Variants in EED observed in about 807,000 individuals in gnomAD.
EED encodes polycomb protein EED.
EED carries 9 observed loss-of-function variants against 61.0 expected under a neutral mutation model. That is an observed-to-expected ratio of 0.15 (90% CI 0.09 to 0.26). The LOEUF (loss-of-function observed/expected upper bound fraction) is 0.26. Among genes scored for constraint, EED ranks in the 10% least tolerant of loss-of-function variants. The pLI is 1.00. For synonymous variants in EED, 187 were observed against 174.4 expected, an observed-to-expected ratio of 1.07 and a Z score of -0.57; for missense variants, 315 against 542.3, an observed-to-expected ratio of 0.58 and a Z score of 4.16.
At chr11:86,262,115 C>T (rs1945845842) in intron 6 of EED, among the ~76,000 whole-genome samples, 1 of 152,102 alleles carries the variant, frequency 6.6e-6, no homozygotes. Flanking sequence ...CTTCTGGGCT[C>T]AAATGATCCT....
chr11:86,245,120 G>A lies in EED; in HGVS notation c.-110G>A. The A allele has an allele frequency of 1.3e-6, 1 of 773,074 alleles. No individual in the cohort carries two copies. The highest frequency in any genetic ancestry group is 1.8e-5 in the South Asian group (1 of 56,736). 47.9% of individuals were successfully genotyped at this position (773,074 alleles called of 1,614,324 possible). Reference sequence around the variant, plus strand: ...TGCGACAGTGGGGGGGGCGGTGGAGGTGGCGGCGGCAGCGGCAACTTTGCG... The same window carrying A: ...TGCGACAGTGGGGGGGGCGGTGGAGATGGCGGCGGCAGCGGCAACTTTGCG... On this transcript the variant is annotated 5_prime_UTR_variant, in exon 1 of 12. The change creates a new upstream start codon in the 5' untranslated region. Coordinates refer to ENST00000263360, the MANE Select transcript of EED (RefSeq NM_003797.5).
At chr11:86,278,922 C>T (rs1202711064), downstream of EED, 1 of 177,968 alleles carries the variant, frequency 5.6e-6, no homozygotes, top group East Asian at 1.0e-4. Context: ...TACTACGTGA[C>T]CTTGGATAAA....
At chr11:86,269,253 C>G (rs1946055240) in intron 9 of EED, among the ~76,000 whole-genome samples, 1 of 152,130 alleles carries the variant, frequency 6.6e-6, no homozygotes, top group African/African-American at 2.4e-5. Flanking sequence ...TTCAAAATTG[C>G]AGCTGTTTTG....
intron 9 of EED, among the ~76,000 whole-genome samples, chr11:86,269,778 G>GT (rs916576034): frequency 1.3e-4 from 20 of 152,174 alleles, no homozygotes; most frequent in Admixed American, 3.3e-4. Context: ...TTTTAAGATT[G>GT]TTTTTTTCCA....
In EED at chr11:86,245,154, G is replaced by A; in HGVS notation, c.-76G>A. ...GCAGCGGCAACTTTGCGGCAAGCTC[G>A]GGCCGGGCTTGCTTGACGGCGGTGT... On this transcript the variant is annotated 5_prime_UTR_variant, in exon 1 of 12. Coordinates refer to ENST00000263360, the MANE Select transcript of EED (RefSeq NM_003797.5). 7 of 1,259,428 alleles carry A rather than the reference G, an allele frequency of 5.6e-6. No homozygotes were observed. The highest frequency in any genetic ancestry group is 7.8e-6 in the Non-Finnish European group (7 of 897,078). 78.0% of individuals were successfully genotyped at this position (1,259,428 alleles called of 1,614,324 possible). A position where few individuals can be genotyped will look rare whatever the true frequency, so the allele number is the denominator to read the frequency against.
At chr11:86,252,375 A>C in intron 3 of EED, 135 bp downstream of exon 3, 1 of 545,420 alleles carries the variant, frequency 1.8e-6, no homozygotes, top group Non-Finnish European at 3.1e-6. Flanking sequence ...GTAAGAGTGA[A>C]GGTTTCTAGA....
rs560504848 is a variant in EED, at chr11:86,257,288, G to C, written c.553-227G>C. On this transcript the variant is annotated intron_variant, in intron 5 of 11. Coordinates refer to ENST00000263360, the MANE Select transcript of EED (RefSeq NM_003797.5). The stretch of plus-strand genomic sequence containing the variant: ...CCTGACCTCAAGCGATTCTGCCTTA[G>C]CTTTCCAAAGTGCTTGGATTAAAAA... 2.0e-5 allele frequency among the ~76,000 whole-genome samples: 3 copies of C among 149,708 alleles called. No individual in the cohort carries two copies. In the East Asian group the frequency reaches 5.9e-4, roughly 29 times the overall value.
At chr11:86,279,817 C>G (rs1233358893), downstream of EED, among the ~76,000 whole-genome samples, 1 of 152,170 alleles carries the variant, frequency 6.6e-6, no homozygotes, top group Non-Finnish European at 1.5e-5. Context: ...CTGCCTTTTA[C>G]TGTCTTGGTC....
intron 6 of EED, among the ~76,000 whole-genome samples, chr11:86,258,229 A>G (rs2138166538): frequency 6.6e-6 from 1 of 152,242 alleles, no homozygotes; most frequent in East Asian, 1.9e-4. Flanking sequence ...TATCCAAATC[A>G]TTTTGTCCAA....
At chr11:86,283,621 A>G (rs983401541), downstream of EED, among the ~76,000 whole-genome samples, 2 of 152,232 alleles carry the variant, frequency 1.3e-5, no homozygotes, top group African/African-American at 4.8e-5. Context: ...CGAGGTGAAT[A>G]TGAGAGGGAA....
chr11:86,257,830 C>T (rs1408548187), intron 6 of EED, among the ~76,000 whole-genome samples: 1 of 152,220 alleles, frequency 6.6e-6, no homozygotes, highest in East Asian at 1.9e-4. Context: ...AGACTGGCAT[C>T]ACCCTTGTTA....
intron 9 of EED, 135 bp downstream of exon 9, chr11:86,268,696 GA>G (rs1946044475): frequency 2.0e-6 from 1 of 504,342 alleles, no homozygotes; most frequent in Non-Finnish European, 3.4e-6. Context: ...TGGCAGCTGG[GA>G]AGTTGCCTTT....
chr11:86,258,849 T>G (rs1179527812), intron 6 of EED, among the ~76,000 whole-genome samples: 2 of 147,138 alleles, frequency 1.4e-5, no homozygotes, highest in African/African-American at 5.0e-5. Flanking sequence ...AGCCACTGCG[T>G]CCTGCCTCTA....
At chr11:86,261,389 C>T (rs972573098) in intron 6 of EED, among the ~76,000 whole-genome samples, 8 of 152,034 alleles carry the variant, frequency 5.3e-5, no homozygotes, top group African/African-American at 1.9e-4. Flanking sequence ...GTTTGGGCCC[C>T]AGAGGCCTTG....
chr11:86,246,965 T>G (rs927843091), intron 1 of EED, among the ~76,000 whole-genome samples: 3 of 152,220 alleles, frequency 2.0e-5, no homozygotes, highest in African/African-American at 7.2e-5. Context: ...TAGTAAGTAC[T>G]ATACACATGT....
At chr11:86,277,888 T>C (rs1428543057) in intron 10 of EED, 30 bp from the exon 11 acceptor site, 6 of 1,500,494 alleles carry the variant, frequency 4.0e-6, no homozygotes, top group Non-Finnish European at 5.3e-6. Context: ...ATTTTATTAA[T>C]TTGATGTTTT....
downstream of EED, among the ~76,000 whole-genome samples, chr11:86,279,465 C>T (rs1371843648): frequency 1.3e-5 from 2 of 152,120 alleles, no homozygotes; most frequent in Non-Finnish European, 2.9e-5. Flanking sequence ...CAACATAAGG[C>T]ACACTGCATT....
intron 3 of EED, among the ~76,000 whole-genome samples, chr11:86,254,804 G>T (rs930757561): frequency 6.6e-6 from 1 of 151,966 alleles, no homozygotes; most frequent in Non-Finnish European, 1.5e-5. Context: ...TGTATTTTTG[G>T]TAGAGACAGG....
At chr11:86,246,953 C>T (rs878911618) in intron 1 of EED, among the ~76,000 whole-genome samples, 4 of 152,088 alleles carry the variant, frequency 2.6e-5, no homozygotes, top group Admixed American at 2.6e-4. Context: ...GTGTCTGCCC[C>T]ATAGTAAGTA....
Sources: allele counts gnomAD v4.1 joint callset (sites outside exome capture counted in the v4.1 genomes callset), GRCh38; gene constraint gnomAD v4.1.1; transcripts MANE v1.5; gene names NCBI Gene and HGNC (gene_info 2026-07-23, HGNC 2026-07-21).